Variants in ADGRL3 observed in about 807,000 individuals in gnomAD.
ADGRL3 encodes the protein adhesion G protein-coupled receptor L3.
A neutral mutation model predicts 153.5 loss-of-function variants in ADGRL3; 62 were observed. The observed-to-expected ratio is 0.40, with a 90% CI of 0.33 to 0.50. The LOEUF (loss-of-function observed/expected upper bound fraction) is 0.50. Among genes scored for constraint, ADGRL3 ranks in the 20% least tolerant of loss-of-function variants. ADGRL3 has a pLI of 0.47. For synonymous variants in ADGRL3, 710 were observed against 672.5 expected, an observed-to-expected ratio of 1.06 and a Z score of -0.86; for missense variants, 1,641 against 1,859.4, an observed-to-expected ratio of 0.88 and a Z score of 2.16.
intron 9 of ADGRL3, among the ~76,000 whole-genome samples, chr4:61,861,459 G>A (rs1297973604): frequency 6.6e-6 from 1 of 152,176 alleles, no homozygotes; most frequent in Admixed American, 6.5e-5. Context: ...CCAAGAAATA[G>A]TATGCTTGAT....
chr4:61,685,123 G>T (rs184802962), intron 6 of ADGRL3, among the ~76,000 whole-genome samples: 1 of 151,836 alleles, frequency 6.6e-6, no homozygotes, highest in Admixed American at 6.6e-5. Context: ...TCACTATGTT[G>T]CCCAGGTTGG....
intron 1 of ADGRL3, among the ~76,000 whole-genome samples, chr4:61,275,365 C>T (rs905930232): frequency 5.3e-5 from 8 of 152,064 alleles, no homozygotes; most frequent in African/African-American, 1.9e-4. Context: ...CAAAAGTTAC[C>T]ATTTAATGAT....
At chr4:61,959,579 C>T (rs535530666) in intron 17 of ADGRL3, among the ~76,000 whole-genome samples, 1 of 152,180 alleles carries the variant, frequency 6.6e-6, no homozygotes, top group East Asian at 1.9e-4. Flanking sequence ...CAGTTTGGAA[C>T]ATTTTAATTC....
intron 9 of ADGRL3, among the ~76,000 whole-genome samples, chr4:61,855,080 C>CA (rs530975241): frequency 3.3e-5 from 5 of 150,678 alleles, no homozygotes; most frequent in Admixed American, 1.3e-4. Flanking sequence ...TTCTGGGACA[C>CA]AAAAAAAAGA....
intron 2 of ADGRL3, among the ~76,000 whole-genome samples, chr4:61,391,538 G>C (rs1007252984): frequency 1.3e-5 from 2 of 152,148 alleles, no homozygotes; most frequent in African/African-American, 4.8e-5. Context: ...TGCAATGTGT[G>C]TGAGTCTGCA....
At chr4:61,769,758 C>T (rs1033624119) in intron 8 of ADGRL3, among the ~76,000 whole-genome samples, 2 of 142,634 alleles carry the variant, frequency 1.4e-5, no homozygotes, top group South Asian at 4.5e-4. Context: ...GCAAGGTGCT[C>T]AGTGGGCAGG....
At chr4:61,956,561 G>A (rs869258845) in intron 17 of ADGRL3, among the ~76,000 whole-genome samples, 2 of 151,964 alleles carry the variant, frequency 1.3e-5, no homozygotes, top group Non-Finnish European at 2.9e-5. Flanking sequence ...TTTGTCAACT[G>A]TGGCTTTTGT....
intron 4 of ADGRL3, among the ~76,000 whole-genome samples, chr4:61,519,840 A>G (rs335313): frequency 0.76 from 115,242 of 152,020 alleles, 44,043 homozygotes; most frequent in East Asian, 0.94. Context: ...GATACTTTAA[A>G]AATATAAAGC....
At position 61,761,524 on chromosome 4, in the gene ADGRL3, T is replaced by A. The variant is rs116171586; in HGVS notation, c.1399+27970T>A. Among the ~76,000 whole-genome samples, 718 of 152,270 alleles carry A rather than the reference T, an allele frequency of 4.7e-3. 6 individuals carry two copies. Among genetic ancestry groups the A allele is most frequent in the Admixed American group, 7.1e-3 (108 of 15,290 alleles). ...ATTATTGCCAGAGGCCAGGCATGGG[T>A]GGCTCATGCCCTTAGCCCCAGCACT... On this transcript the variant is annotated intron_variant, in intron 8 of 26. Coordinates refer to ENST00000683033, the MANE Select transcript of ADGRL3 (RefSeq NM_001387552.1).
At chr4:61,845,755 G>T (rs1458268447) in intron 9 of ADGRL3, among the ~76,000 whole-genome samples, 1 of 152,022 alleles carries the variant, frequency 6.6e-6, no homozygotes, top group Non-Finnish European at 1.5e-5. Flanking sequence ...AACGCTTAAT[G>T]ACAGAAATAA....
intron 8 of ADGRL3, among the ~76,000 whole-genome samples, chr4:61,749,091 C>CA (rs2096715542): frequency 6.6e-6 from 1 of 151,886 alleles, no homozygotes; most frequent in Admixed American, 6.6e-5. Flanking sequence ...TTTATGCTGC[C>CA]AAAAAACACA....
In ADGRL3 at chr4:61,983,476, C is replaced by T; in HGVS notation, c.3109C>T (p.Leu1037=). 6.2e-7 allele frequency: 1 copy of T among 1,613,876 alleles called. No homozygotes were observed. The highest frequency in any genetic ancestry group is 1.1e-5 in the South Asian group (1 of 91,076). ...FLEGVQLYIM[L]VEVFESEHSR... is the part of the protein sequence containing the mutation. ...GGAGGGGGTGCAGCTTTATATCATG[C>T]TGGTGGAGGTTTTTGAGAGTGAACA... is the stretch of plus-strand genomic sequence containing the variant. Residue 1037 remains leucine, a synonymous_variant, in exon 19 of 27, where the codon CTG becomes TTG. Coordinates refer to ENST00000683033, the MANE Select transcript of ADGRL3 (RefSeq NM_001387552.1).
chr4:61,321,942 T>A (rs558425158), intron 1 of ADGRL3, among the ~76,000 whole-genome samples: 68 of 152,120 alleles, frequency 4.5e-4, no homozygotes, highest in African/African-American at 1.6e-3. Context: ...TTTAAAAAAA[T>A]TTTCTGCAAC....
At chr4:61,241,537 A>C (rs1277393170) in intron 1 of ADGRL3, among the ~76,000 whole-genome samples, 1 of 152,210 alleles carries the variant, frequency 6.6e-6, no homozygotes, top group Non-Finnish European at 1.5e-5. Context: ...ATTGTAAATA[A>C]ATTAATTCTT....
At chr4:61,715,057 T>A (rs1370744020) in intron 6 of ADGRL3, among the ~76,000 whole-genome samples, 1 of 152,228 alleles carries the variant, frequency 6.6e-6, no homozygotes, top group Non-Finnish European at 1.5e-5. Context: ...AGATCTGATT[T>A]GGTAGAATGT....
chr4:61,616,689 A>T (rs1292705346), intron 5 of ADGRL3, among the ~76,000 whole-genome samples: 1 of 152,226 alleles, frequency 6.6e-6, no homozygotes, highest in African/African-American at 2.4e-5. Flanking sequence ...GATTTCTAAT[A>T]GTAATTTGTG....
At chr4:61,450,135 G>A (rs2097656352) in intron 2 of ADGRL3, among the ~76,000 whole-genome samples, 1 of 152,102 alleles carries the variant, frequency 6.6e-6, no homozygotes, top group African/African-American at 2.4e-5. Flanking sequence ...AACCAAAGGT[G>A]GCTCTGAAGA....
intron 2 of ADGRL3, among the ~76,000 whole-genome samples, chr4:61,406,532 G>A (rs1259464766): frequency 6.6e-6 from 1 of 151,412 alleles, no homozygotes; most frequent in Admixed American, 6.6e-5. Flanking sequence ...TACTGTCTCT[G>A]TATTGATAAT....
intron 5 of ADGRL3, among the ~76,000 whole-genome samples, chr4:61,643,559 G>C (rs1283603563): frequency 6.6e-6 from 1 of 151,614 alleles, no homozygotes; most frequent in East Asian, 1.9e-4. Flanking sequence ...TGTGGTTTTT[G>C]TCTTTGGTTC....
Sources: gnomAD v4.1 joint callset for allele counts (sites outside exome capture counted in the v4.1 genomes callset) on GRCh38, gnomAD v4.1.1 for gene constraint, MANE v1.5 for transcripts, NCBI Gene and HGNC (gene_info 2026-07-23, HGNC 2026-07-21) for gene names.